The following HSPG2 variants were observed in gnomAD, a reference collection of about 807,000 sequenced individuals.
HSPG2 encodes basement membrane-specific heparan sulfate proteoglycan core protein.
HSPG2 carries 278 observed loss-of-function variants against 526.6 expected under a neutral mutation model. The ratio of observed to expected loss-of-function variants is 0.53; its 90% CI spans 0.48 to 0.58. The LOEUF (loss-of-function observed/expected upper bound fraction) is 0.58, where lower values mean the gene tolerates loss of function less well. Among genes scored for constraint, HSPG2 ranks in the 20% least tolerant of loss-of-function variants. HSPG2 has a pLI of 0.00. For missense variants in HSPG2, 5,354 were observed against 6,099.5 expected (o/e 0.88, Z 4.07); for synonymous variants, 2,465 against 2,555.4 (o/e 0.96, Z 1.07).
In HSPG2 at chr1:21,831,474, C is replaced by A. The variant is rs941395612; in HGVS notation, c.11441G>T (p.Ser3814Ile). ...GGGAGGGGGCTCACCTATGAAGCCG[C>A]TGCTCAGCCCCGCCTTGGGGATGGC... ...YGAIPKAGLS[S>I]GFIGCVRELR... The change falls in exon 83 of 97, where the codon AGC becomes ATC. Residue 3814 changes from serine (S) to isoleucine (I), a missense_variant. Ser to Ile is a moderately radical substitution (Grantham distance 142). Transcript: ENST00000374695. 6 of 1,613,922 alleles carry A rather than the reference C, an allele frequency of 3.7e-6. No individual in the cohort carries two copies. In the African/African-American group the frequency reaches 5.3e-5, roughly 14 times the overall value.
At chr1:21,861,285 G>C (rs1639763814) in intron 39 of HSPG2, among the ~76,000 whole-genome samples, 2 of 152,164 alleles carry the variant, frequency 1.3e-5, no homozygotes, top group South Asian at 4.1e-4. Context: ...CTAAGGGGAA[G>C]TTAGCCAGGA....
chr1:21,901,394 C>T (rs748742059), intron 1 of HSPG2, among the ~76,000 whole-genome samples: 1 of 151,966 alleles, frequency 6.6e-6, no homozygotes, highest in Non-Finnish European at 1.5e-5. Flanking sequence ...GTGATGCATG[C>T]GGAGTGTGAG....
rs1572147807 is a variant in HSPG2, at chr1:21,829,546, G to C, written c.11829C>G (p.Ala3943=). Residue 3943 remains alanine, a synonymous_variant, in exon 87 of 97, where the codon GCC becomes GCG. Coordinates refer to ENST00000374695, the MANE Select transcript of HSPG2 (RefSeq NM_005529.7). The stretch of plus-strand genomic sequence containing the variant: ...GTAGCTCGTGGTGTGTGTTGGTGAG[G>C]GCGGGCAGTGCCAGGTAGGAGCCAG... ...SGAGSYLALP[A]LTNTHHELRL... The C allele has an allele frequency of 1.9e-6, 3 of 1,612,416 alleles. No homozygotes were observed. Among genetic ancestry groups the C allele is most frequent in the East Asian group, 2.2e-5 (1 of 44,852 alleles).
Position 21,876,281 on chromosome 1 carries a change from A to T in HSPG2, c.2951T>A (p.Leu984His), listed in dbSNP as rs776853465. The change falls in exon 23 of 97, where the codon CTC becomes CAC. Residue 984 changes from leucine to histidine, a missense_variant. Coordinates refer to ENST00000374695, the MANE Select transcript of HSPG2 (RefSeq NM_005529.7). ...GCTCCAGAAGTAGGGTCCAGATAAG[A>T]GTCTGTGGAAGGAGGAGAATCCCAG... ...GELGFSSFHRLLSGPYFWSLP... is the reference protein window; with the variant it reads ...GELGFSSFHRHLSGPYFWSLP... 1.3e-5 allele frequency: 21 copies of T among 1,613,884 alleles called. No individual in the cohort carries two copies. The highest frequency in any genetic ancestry group is 1.7e-5 in the Non-Finnish European group (20 of 1,179,960).
rs1023461477 is a variant in HSPG2 at position 21,823,266 on chromosome 1, A to C, written c.*50T>G. On this transcript the variant is annotated 3_prime_UTR_variant, in exon 97 of 97. Coordinates refer to ENST00000374695, the MANE Select transcript of HSPG2 (RefSeq NM_005529.7). Reference sequence around the variant, plus strand: ...TAATATTAATAATAATATACTCGACATTGTCGGGCTGGGGCGTGGCCCGGG... The same window carrying C: ...TAATATTAATAATAATATACTCGACCTTGTCGGGCTGGGGCGTGGCCCGGG... The C allele has an allele frequency of 5.7e-6, 8 of 1,412,580 alleles. No individual in the cohort carries two copies. In the African/African-American group the frequency reaches 1.0e-4, roughly 18 times the overall value. The allele number at this position is 1,412,580 out of a possible 1,614,324, so 87.5% of individuals were successfully genotyped here. A position where few individuals can be genotyped will look rare whatever the true frequency, so the allele number is the denominator to read the frequency against.
chr1:21,892,937 C>T (rs1292729868), intron 3 of HSPG2, among the ~76,000 whole-genome samples: 2 of 151,944 alleles, frequency 1.3e-5, no homozygotes, highest in East Asian at 1.9e-4. Context: ...GTGCAGCCAG[C>T]AGGGGCGAGG....
rs781002804 is a variant in HSPG2 at position 21,878,144 on chromosome 1, TG to T, written c.2685+41del. 12 of 1,581,164 alleles carry T rather than the reference TG, an allele frequency of 7.6e-6. No homozygotes were observed. The African/African-American group carries it at 1.1e-4, about 14-fold the overall frequency. On this transcript the variant is annotated intron_variant, in intron 21 of 96. Coordinates refer to ENST00000374695, the MANE Select transcript of HSPG2 (RefSeq NM_005529.7). ...TTCTTCCTCCTCCCAGCTGTGGTGC[TG>T]GGCCCAAGGCCCCTGGGTGGGTGGC...
At chr1:21,910,190 C>T (rs1643587712) in intron 1 of HSPG2, among the ~76,000 whole-genome samples, 1 of 152,230 alleles carries the variant, frequency 6.6e-6, no homozygotes, top group African/African-American at 2.4e-5. Context: ...ACAATGGGGG[C>T]TATTCTGGGC....
At chr1:21,930,493 G>T (rs1644319226) in intron 1 of HSPG2, among the ~76,000 whole-genome samples, 2 of 152,190 alleles carry the variant, frequency 1.3e-5, no homozygotes, top group Non-Finnish European at 2.9e-5. Context: ...TCTAGAACAG[G>T]GCGGGTGCAG....
chr1:21,889,716 T>C (rs1022138740), intron 6 of HSPG2: 2 of 519,902 alleles, frequency 3.8e-6, no homozygotes, highest in South Asian at 2.4e-5. Context: ...AAGTACAGGA[T>C]AAATAAAGGC....
chr1:21,905,171 C>CCACACACACA (rs759299090), intron 1 of HSPG2, among the ~76,000 whole-genome samples: 1 of 81,818 alleles, frequency 1.2e-5, no homozygotes, highest in Non-Finnish European at 3.0e-5. Flanking sequence ...CACCACCCAC[C>CCACACACACA]CACACACACA....
At chr1:21,843,052 T>A in intron 66 of HSPG2, 131 bp from the exon 67 acceptor site, 1 of 1,116,678 alleles carries the variant, frequency 9.0e-7, no homozygotes, top group Non-Finnish European at 1.3e-6. Context: ...TGATATAACC[T>A]AAGAAGGGTC....
intron 33 of HSPG2, chr1:21,868,833 T>G (rs1640434154): frequency 1.7e-6 from 1 of 584,688 alleles, no homozygotes. Flanking sequence ...AAGGGCCCTC[T>G]GATATTTTGG....
In HSPG2 at chr1:21,864,795, G is replaced by A; in HGVS notation, c.4626+48C>T. On this transcript the variant is annotated intron_variant, in intron 36 of 96. Transcript: ENST00000374695. This position sits in a 1 kb window ranked among gnomAD's most constrained non-coding sequence, Gnocchi z 4.8. ...GGCGACGCCGGCTGATTTGCTTGCT[G>A]ATGCCTCTGTGCCTGTGCAGAGGTG... The A allele has an allele frequency of 6.7e-7, 1 of 1,487,990 alleles. No individual in the cohort carries two copies. The highest frequency in any genetic ancestry group is 1.4e-5 in the African/African-American group (1 of 72,450). The allele number at this position is 1,487,990 out of a possible 1,614,324, so 92.2% of individuals were successfully genotyped here.
Position 21,890,737 on chromosome 1 carries a change from C to T in HSPG2, c.245-43G>A, listed in dbSNP as rs6690980. ...GATCATTTTGAGAGCCCCAGCCTGG[C>T]ATCTAGTGGCCTTAGGCAGTTGGAC... On this transcript the variant is annotated intron_variant, in intron 3 of 96. Coordinates refer to ENST00000374695, the MANE Select transcript of HSPG2 (RefSeq NM_005529.7). The surrounding 1 kb of genome is among the most constrained non-coding windows in gnomAD (Gnocchi z 4.1). 1.4e-6 allele frequency: 2 copies of T among 1,449,914 alleles called. No homozygotes were observed. Among genetic ancestry groups the T allele is most frequent in the Non-Finnish European group, 1.9e-6 (2 of 1,036,144 alleles). 89.8% of individuals were successfully genotyped at this position (1,449,914 alleles called of 1,614,324 possible).
rs770079843 is a variant in HSPG2 at position 21,879,137 on chromosome 1, G to C, written c.2344-16C>G. On this transcript the variant is annotated splice_polypyrimidine_tract_variant and intron_variant, in intron 17 of 96. Transcript: ENST00000374695. ...GCTGGCAATTCTAGAAGAAGGAGGA[G>C]GGTATGGCTCAACTTCTAGAGCAGA... The C allele has an allele frequency of 6.2e-7, 1 of 1,614,032 alleles. No individual in the cohort carries two copies. Among genetic ancestry groups the C allele is most frequent in the African/African-American group, 1.3e-5 (1 of 74,924 alleles).
rs548387956 is a variant in HSPG2, at chr1:21,857,393, G to T, written c.5294-8C>A. On this transcript the variant is annotated splice_region_variant and splice_polypyrimidine_tract_variant and intron_variant, in intron 42 of 96. Coordinates refer to ENST00000374695, the MANE Select transcript of HSPG2 (RefSeq NM_005529.7). ...TGGGCTTGCTTGGAGCCTCTGCAGG[G>T]ACGGGAAGCCCCCCTGTGAGCCGGT... is the stretch of plus-strand genomic sequence containing the variant. 2 of 1,612,656 alleles carry T rather than the reference G, an allele frequency of 1.2e-6. No individual in the cohort carries two copies. Among genetic ancestry groups the T allele is most frequent in the South Asian group, 1.1e-5 (1 of 91,066 alleles).
chr1:21,875,302 C>CG, intron 25 of HSPG2: 1 of 594,430 alleles, frequency 1.7e-6, no homozygotes, highest in South Asian at 2.0e-5. Flanking sequence ...GATCACTCTC[C>CG]GGCGAATGAC....
rs376079532 is a variant in HSPG2 at position 21,854,364 on chromosome 1, G to A, written c.6289-21C>T. On this transcript the variant is annotated intron_variant, in intron 49 of 96. Coordinates refer to ENST00000374695, the MANE Select transcript of HSPG2 (RefSeq NM_005529.7). ...TGCACCTGGGCCAGGAGGAGCCAGA[G>A]GTACGTGAGGACAGGGACGGGGGCT... 256 of 1,560,176 alleles carry A rather than the reference G, an allele frequency of 1.6e-4. 1 individual carries two copies. The highest frequency in any genetic ancestry group is 3.5e-5 in the South Asian group (3 of 84,778).
Sources: gnomAD v4.1 joint callset for allele counts (sites outside exome capture counted in the v4.1 genomes callset) on GRCh38, gnomAD v4.1.1 for gene constraint, Gnocchi (gnomAD v3.1) non-coding constraint, MANE v1.5 for transcripts, NCBI Gene and HGNC (gene_info 2026-07-23, HGNC 2026-07-21) for gene names.